Variants in XRRA1 observed in about 807,000 individuals in gnomAD.
XRRA1 encodes the protein X-ray radiation resistance-associated protein 1.
XRRA1 carries 69 observed loss-of-function variants against 80.2 expected under a neutral mutation model. The ratio of observed to expected loss-of-function variants is 0.86; its 90% CI spans 0.71 to 1.05. The LOEUF is 1.05. Among genes scored for constraint, XRRA1 ranks in the 50% least tolerant of loss-of-function variants. The probability of loss-of-function intolerance (pLI) is 0.00; values close to 1 mark genes in which losing one functional copy is unlikely to be tolerated. For missense variants in XRRA1, 967 were observed against 976.4 expected, an observed-to-expected ratio of 0.99 and a Z score of 0.13; for synonymous variants, 348 against 389.9, an observed-to-expected ratio of 0.89 and a Z score of 1.27.
intron 8 of XRRA1, among the ~76,000 whole-genome samples, chr11:74,912,084 G>A (rs1209889625): frequency 6.6e-6 from 1 of 152,166 alleles, no homozygotes; most frequent in Non-Finnish European, 1.5e-5. Context: ...TTGCAAAACT[G>A]TAGCCCAAAT....
At chr11:74,923,743 C>T (rs778278629) in intron 7 of XRRA1, among the ~76,000 whole-genome samples, 2 of 152,220 alleles carry the variant, frequency 1.3e-5, no homozygotes, top group Non-Finnish European at 1.5e-5. Context: ...TCTACTGTGT[C>T]TCAGTCTCTA....
chr11:74,921,031 C>T (rs1940589740), intron 8 of XRRA1, among the ~76,000 whole-genome samples, 183 bp downstream of exon 8: 2 of 152,134 alleles, frequency 1.3e-5, no homozygotes, highest in Admixed American at 1.3e-4. Context: ...CTGGATCTCT[C>T]CTAACAGCAC....
chr11:74,941,390 A>G (rs150028453), intron 2 of XRRA1, among the ~76,000 whole-genome samples: 280 of 152,366 alleles, frequency 1.8e-3, no homozygotes, highest in African/African-American at 6.5e-3. Flanking sequence ...TGAGACTTGA[A>G]CTGGATAAAT....
At position 74,848,157 on chromosome 11, in the gene XRRA1, T is replaced by C; in HGVS notation, c.1686A>G (p.Ser562=). 1.9e-6 allele frequency: 3 copies of C among 1,613,238 alleles called. No individual in the cohort carries two copies. The highest frequency in any genetic ancestry group is 2.5e-6 in the Non-Finnish European group (3 of 1,179,884). Residue 562 remains serine (S), a synonymous_variant, in exon 15 of 19, where the codon TCA becomes TCG. Transcript: ENST00000684022. ...TTVRLSPERP[S]DEDSKSTESI... ...ACTCTGTGCTCTTGGAGTCCTCATC[T>C]GATGGGCGCTCTGGGCTGAGGCGGA...
At chr11:74,908,905 G>C (rs2055233466) in intron 8 of XRRA1, among the ~76,000 whole-genome samples, 1 of 152,144 alleles carries the variant, frequency 6.6e-6, no homozygotes, top group South Asian at 2.1e-4. Context: ...ATGAGGTCTA[G>C]AAAGACACAG....
At chr11:74,879,089 C>T (rs1206110772) in intron 10 of XRRA1, among the ~76,000 whole-genome samples, 36 of 147,080 alleles carry the variant, frequency 2.4e-4, no homozygotes, top group African/African-American at 8.8e-4. Flanking sequence ...ATTCTTCCTA[C>T]CCATGAGCAT....
intron 8 of XRRA1, among the ~76,000 whole-genome samples, chr11:74,914,428 T>C (rs1180126658): frequency 6.6e-6 from 1 of 152,238 alleles, no homozygotes; most frequent in Non-Finnish European, 1.5e-5. Context: ...TGCAAGTTGC[T>C]CTTCCATTGG....
intron 10 of XRRA1, among the ~76,000 whole-genome samples, chr11:74,880,804 T>C (rs1045975420): frequency 4.0e-5 from 6 of 151,704 alleles, no homozygotes; most frequent in Non-Finnish European, 8.9e-5. Flanking sequence ...AGTTCCAGTT[T>C]GATTGCACTG....
intron 1 of XRRA1, 45 bp from the exon 2 acceptor site, chr11:74,945,130 C>T (rs1249394545): frequency 2.6e-5 from 4 of 152,426 alleles, no homozygotes; most frequent in Non-Finnish European, 5.9e-5. Flanking sequence ...CTATTCAGAG[C>T]TCTTGAACTT....
At chr11:74,926,019 AAC>A (rs933326187) in intron 7 of XRRA1, among the ~76,000 whole-genome samples, 2 of 152,186 alleles carry the variant, frequency 1.3e-5, no homozygotes, top group African/African-American at 4.8e-5. Flanking sequence ...AATATTTATA[AAC>A]ACAGAAAAAA....
At chr11:74,907,352 G>A in intron 8 of XRRA1, 79 bp from the exon 9 acceptor site, 1 of 1,569,832 alleles carries the variant, frequency 6.4e-7, no homozygotes, top group Non-Finnish European at 8.7e-7. Flanking sequence ...TGGAGGACAG[G>A]GAATCAATTA....
In XRRA1 at chr11:74,907,127, A is replaced by G; in HGVS notation, c.785+18T>C. The G allele has an allele frequency of 3.1e-6, 5 of 1,612,986 alleles. No individual in the cohort carries two copies. The highest frequency in any genetic ancestry group is 4.2e-6 in the Non-Finnish European group (5 of 1,179,780). ...GGGGATTAGAGGAGGCCCAGCAGAG[A>G]AAGGCTTATGGCTTTACCTCCTGAG... On this transcript the variant is annotated intron_variant, in intron 9 of 18. Transcript: ENST00000684022.
At chr11:74,900,471 A>T (rs1162019227) in intron 10 of XRRA1, among the ~76,000 whole-genome samples, 2 of 152,076 alleles carry the variant, frequency 1.3e-5, no homozygotes, top group African/African-American at 2.4e-5. Flanking sequence ...AATCCCAGCT[A>T]CTTGGGAGGC....
intron 8 of XRRA1, among the ~76,000 whole-genome samples, chr11:74,918,299 AGTGTGTGTGT>A (rs35763136): frequency 4.7e-5 from 7 of 150,050 alleles, no homozygotes; most frequent in Admixed American, 2.7e-4. Context: ...TTCCTTCCTT[AGTGTGTGTGT>A]GTGTGTGTGT....
intron 10 of XRRA1, among the ~76,000 whole-genome samples, chr11:74,883,989 G>A (rs938184489): frequency 3.3e-5 from 5 of 152,088 alleles, no homozygotes; most frequent in Admixed American, 1.3e-4. Context: ...TTTGAGGTCA[G>A]GAGTTTGAGA....
At chr11:74,857,179 TG>T (rs1392443027) in intron 12 of XRRA1, among the ~76,000 whole-genome samples, 5 of 152,040 alleles carry the variant, frequency 3.3e-5, no homozygotes, top group Admixed American at 3.3e-4. Flanking sequence ...GGATGAAAGC[TG>T]AGGACAAAGC....
rs775469118 is a variant in XRRA1 at position 74,843,373 on chromosome 11, A to T, written c.2230T>A (p.Phe744Ile). ...YLEAKRLLKE[F>I]QARYRQLVSG... ...ACCAGCTGCCGGTAACGTGCCTGGA[A>T]CTCCTTCAACAGCCTCTTGGCCTCC... The change falls in exon 19 of 19, where the codon TTC (phenylalanine) becomes ATC (isoleucine). Residue 744 changes from phenylalanine (F) to isoleucine (I), a missense_variant. By Grantham distance (21) the Phe-to-Ile change is conservative. Transcript: ENST00000684022. 6.2e-7 allele frequency: 1 copy of T among 1,612,052 alleles called. No homozygotes were observed. Among genetic ancestry groups the T allele is most frequent in the Non-Finnish European group, 8.5e-7 (1 of 1,179,144 alleles).
intron 6 of XRRA1, among the ~76,000 whole-genome samples, chr11:74,927,929 T>C (rs1284782919): frequency 6.6e-6 from 1 of 152,246 alleles, no homozygotes; most frequent in African/African-American, 2.4e-5. Flanking sequence ...TTTTCTCATG[T>C]ATATATCAAA....
At chr11:74,929,849 C>T (rs2139361310) in intron 6 of XRRA1, among the ~76,000 whole-genome samples, 1 of 152,302 alleles carries the variant, frequency 6.6e-6, no homozygotes, top group African/African-American at 2.4e-5. Context: ...ATCTCTCTCA[C>T]CAAACCATGA....
Sources: gnomAD v4.1 joint callset for allele counts (sites outside exome capture counted in the v4.1 genomes callset) on GRCh38, gnomAD v4.1.1 for gene constraint, MANE v1.5 for transcripts, NCBI Gene and HGNC (gene_info 2026-07-23, HGNC 2026-07-21) for gene names.